ERBB4: variants seen among roughly 807,000 people sequenced by gnomAD.
The protein encoded by ERBB4 is receptor tyrosine-protein kinase erbB-4.
In ERBB4, 42 loss-of-function variants were observed where a neutral mutation model predicts 158.0. That is an observed-to-expected ratio of 0.27 (90% CI 0.21 to 0.34). The LOEUF is 0.34. Ranked by LOEUF, ERBB4 falls within the 10% of genes least tolerant of loss-of-function variation. The probability of loss-of-function intolerance (pLI) is 1.00; values close to 1 mark genes in which losing one functional copy is unlikely to be tolerated. For missense variants in ERBB4, 1,333 were observed against 1,624.1 expected (o/e 0.82, Z 3.08); for synonymous variants, 583 against 558.7 (o/e 1.04, Z -0.61).
At chr2:211,672,626 A>T (rs1404952569) in intron 14 of ERBB4, among the ~76,000 whole-genome samples, 2 of 152,168 alleles carry the variant, frequency 1.3e-5, no homozygotes, top group African/African-American at 4.8e-5. Context: ...CAGTGCCACA[A>T]CAGTTAAAGG....
chr2:212,073,280 C>T (rs2078179335), intron 2 of ERBB4, among the ~76,000 whole-genome samples: 1 of 151,904 alleles, frequency 6.6e-6, no homozygotes, highest in Non-Finnish European at 1.5e-5. Context: ...TTTAAAGATG[C>T]ATTTGTGTCA....
At chr2:212,240,936 T>C (rs1315350330) in intron 1 of ERBB4, among the ~76,000 whole-genome samples, 1 of 152,106 alleles carries the variant, frequency 6.6e-6, no homozygotes, top group Non-Finnish European at 1.5e-5. Flanking sequence ...TAGTAATGGA[T>C]AAGGAAATAA....
At chr2:211,453,129 G>A (rs569984247) in intron 20 of ERBB4, among the ~76,000 whole-genome samples, 5 of 152,222 alleles carry the variant, frequency 3.3e-5, no homozygotes, top group African/African-American at 4.8e-5. Flanking sequence ...TTATATGTGC[G>A]TTTCATTCAA....
At chr2:211,390,036 G>A (rs2062768003) in intron 25 of ERBB4, among the ~76,000 whole-genome samples, 1 of 152,048 alleles carries the variant, frequency 6.6e-6, no homozygotes, top group Non-Finnish European at 1.5e-5. Flanking sequence ...CAGTACATTT[G>A]TTCATAAAAT....
At chr2:212,398,857 T>C (rs972604303) in intron 1 of ERBB4, among the ~76,000 whole-genome samples, 1 of 152,324 alleles carries the variant, frequency 6.6e-6, no homozygotes. Context: ...GCAGATAGCA[T>C]ATTAATTTAT....
At chr2:211,745,291 T>G (rs13030927) in intron 5 of ERBB4, among the ~76,000 whole-genome samples, 51,985 of 152,012 alleles carry the variant, frequency 0.34, 9,012 homozygotes, top group South Asian at 0.45. Context: ...ACAACCTAAA[T>G]TCTAAAATTG....
intron 2 of ERBB4, among the ~76,000 whole-genome samples, chr2:212,110,165 C>T (rs527842911): frequency 6.6e-6 from 1 of 152,208 alleles, no homozygotes; most frequent in African/African-American, 2.4e-5. Context: ...CTAGAGGAGT[C>T]AAAGGTGTAT....
chr2:211,985,042 T>C (rs1043107566), intron 2 of ERBB4, among the ~76,000 whole-genome samples: 1 of 152,176 alleles, frequency 6.6e-6, no homozygotes, highest in African/African-American at 2.4e-5. Context: ...TCATGGTAAA[T>C]GTAACATAAT....
chr2:211,728,049 T>G (rs988719990), intron 5 of ERBB4, among the ~76,000 whole-genome samples: 2 of 151,902 alleles, frequency 1.3e-5, no homozygotes. Flanking sequence ...TAAATCCCCT[T>G]GGACTGTCCC....
At chr2:212,465,573 T>C (rs1289527720) in intron 1 of ERBB4, among the ~76,000 whole-genome samples, 3 of 152,202 alleles carry the variant, frequency 2.0e-5, no homozygotes, top group South Asian at 2.1e-4. Context: ...CTAAAGCATA[T>C]GAAAATTGGA....
intron 1 of ERBB4, among the ~76,000 whole-genome samples, chr2:212,500,327 C>A (rs966708806): frequency 8.5e-5 from 13 of 152,180 alleles, no homozygotes; most frequent in African/African-American, 3.1e-4. Flanking sequence ...TAAAACAAAA[C>A]CCACTCCAGA....
intron 18 of ERBB4, among the ~76,000 whole-genome samples, chr2:211,620,916 G>A (rs1203425861): frequency 6.6e-6 from 1 of 150,862 alleles, no homozygotes; most frequent in African/African-American, 2.4e-5. Context: ...GACCAGCATA[G>A]GCAACATAGA....
intron 19 of ERBB4, among the ~76,000 whole-genome samples, chr2:211,617,370 T>C (rs976175026): frequency 5.9e-5 from 9 of 152,234 alleles, no homozygotes; most frequent in African/African-American, 1.9e-4. Flanking sequence ...ATAGTTATGA[T>C]CAAGATCAAA....
At chr2:211,399,101 T>C (rs1197069423) in intron 25 of ERBB4, among the ~76,000 whole-genome samples, 1 of 152,222 alleles carries the variant, frequency 6.6e-6, no homozygotes, top group African/African-American at 2.4e-5. Context: ...TACATCGTGA[T>C]CTTATGAAAA....
At chr2:211,633,471 T>A (rs1331302569) in intron 16 of ERBB4, among the ~76,000 whole-genome samples, 1 of 136,318 alleles carries the variant, frequency 7.3e-6, no homozygotes, top group African/African-American at 2.6e-5. Flanking sequence ...TTTACTAATT[T>A]GTATTTTCTA....
At position 211,819,027 on chromosome 2, in the gene ERBB4, C is replaced by T. The variant is rs889167426; in HGVS notation, c.422-30868G>A. 2.6e-5 allele frequency among the ~76,000 whole-genome samples: 4 copies of T among 151,942 alleles called. No individual in the cohort carries two copies. In the East Asian group the frequency reaches 7.7e-4, roughly 29 times the overall value. On this transcript the variant is annotated intron_variant, in intron 3 of 27. Transcript: ENST00000342788. ...ATTTGAAAATGAAGCATAATATTGG[C>T]TTATGGTAGCCTAATTTTCAGTAGA...
At chr2:212,062,396 A>ATTTTT (rs1559419685) in intron 2 of ERBB4, among the ~76,000 whole-genome samples, 27 of 96,530 alleles carry the variant, frequency 2.8e-4, no homozygotes, top group Non-Finnish European at 3.3e-4. Context: ...TCACTTGTCA[A>ATTTTT]TTCTTTTTTT....
chr2:211,998,599 C>T (rs1308993807), intron 2 of ERBB4, among the ~76,000 whole-genome samples: 1 of 150,506 alleles, frequency 6.6e-6, no homozygotes, highest in Non-Finnish European at 1.5e-5. Context: ...AAGTAAATTT[C>T]CCTTTTTGTT....
At chr2:211,826,496 TTATTTATTG>T (rs1559551717) in intron 3 of ERBB4, among the ~76,000 whole-genome samples, 1 of 151,940 alleles carries the variant, frequency 6.6e-6, no homozygotes, top group African/African-American at 2.4e-5. Flanking sequence ...TATTATTTAT[TTATTTATTG>T]TATTTATTGC....
Sources: gnomAD v4.1 joint callset for allele counts (sites outside exome capture counted in the v4.1 genomes callset) on GRCh38, gnomAD v4.1.1 for gene constraint, MANE v1.5 for transcripts, NCBI Gene and HGNC (gene_info 2026-07-23, HGNC 2026-07-21) for gene names.